The following CDH22 variants were observed in gnomAD, a reference collection of about 807,000 sequenced individuals.
CDH22 encodes cadherin 22.
In CDH22, 30 loss-of-function variants were observed where a neutral mutation model predicts 58.4. The ratio of observed to expected loss-of-function variants is 0.51; its 90% confidence interval spans 0.38 to 0.70. The LOEUF is 0.70. Ranked by LOEUF, CDH22 falls within the 30% of genes least tolerant of loss-of-function variation. CDH22 has a pLI of 0.00. For synonymous variants in CDH22, 513 were observed against 558.2 expected (o/e 0.92, Z 1.14); for missense variants, 1,014 against 1,233.9 (o/e 0.82, Z 2.67).
chr20:46,204,536 T>C (rs1427743059), intron 7 of CDH22, among the ~76,000 whole-genome samples: 1 of 152,154 alleles, frequency 6.6e-6, no homozygotes. Flanking sequence ...TTACTTTTCT[T>C]TGTTGAGCAA....
intron 1 of CDH22, among the ~76,000 whole-genome samples, chr20:46,252,463 TTCTC>T (rs1226631447): frequency 2.6e-5 from 4 of 152,370 alleles, no homozygotes; most frequent in Admixed American, 2.0e-4. Flanking sequence ...CTCTCTTCCC[TTCTC>T]TCTATCAGAT....
intron 10 of CDH22, among the ~76,000 whole-genome samples, chr20:46,180,732 A>G (rs1318543508): frequency 6.6e-6 from 1 of 151,920 alleles, no homozygotes; most frequent in Non-Finnish European, 1.5e-5. Context: ...CCAACCATCC[A>G]ACAAATCTTT....
rs771302958 is a variant in CDH22 at position 46,178,168 on chromosome 20, C to G, written c.1693G>C (p.Val565Leu). ...DNTAAVHTQHVGFNRQEQDVF... is the reference protein window; with the variant it reads ...DNTAAVHTQHLGFNRQEQDVF... ...TCCTGCTCCTGCCGGTTGAAGCCCACGTGCTGCGTGTGCACTGCAGCGGTG... is the reference window on the plus strand; with the variant it reads ...TCCTGCTCCTGCCGGTTGAAGCCCAGGTGCTGCGTGTGCACTGCAGCGGTG... The change falls in exon 11 of 12, where the codon GTG becomes CTG. Residue 565 changes from valine to leucine, a missense_variant. Val to Leu is a conservative substitution (Grantham distance 32). This residue lies in a region of CDH22 where 806 missense variants were observed against 1,038.7 expected (regional missense o/e 0.78). Coordinates refer to ENST00000537909, the MANE Select transcript of CDH22 (RefSeq NM_021248.3). The G allele has an allele frequency of 6.2e-7, 1 of 1,613,804 alleles. No homozygotes were observed. Among genetic ancestry groups the G allele is most frequent in the African/African-American group, 1.3e-5 (1 of 74,906 alleles).
rs942658147 is a variant in CDH22, at chr20:46,174,256, C to A, written c.*250G>T. 1 of 485,094 alleles carries A rather than the reference C, an allele frequency of 2.1e-6. No individual in the cohort carries two copies. Among genetic ancestry groups the A allele is most frequent in the Non-Finnish European group, 3.6e-6 (1 of 278,946 alleles). The allele number at this position is 485,094 out of a possible 1,614,324, so 30.0% of individuals were successfully genotyped here. ...CCATCTCCCATTCTAACCCCAGAGC[C>A]ACACCGTGCCCGGTCTCGCCTCAGT... On this transcript the variant is annotated 3_prime_UTR_variant, in exon 12 of 12. Coordinates refer to ENST00000537909, the MANE Select transcript of CDH22 (RefSeq NM_021248.3). This position sits in a 1 kb window ranked among gnomAD's most constrained non-coding sequence, Gnocchi z 4.4.
chr20:46,225,546 A>T (rs2086165084), intron 4 of CDH22, among the ~76,000 whole-genome samples: 1 of 152,230 alleles, frequency 6.6e-6, no homozygotes, highest in Admixed American at 6.5e-5. Flanking sequence ...GCTCTGGAAG[A>T]TGCATGAGAA....
chr20:46,271,853 G>C (rs1163926850), intron 1 of CDH22, among the ~76,000 whole-genome samples: 3 of 151,700 alleles, frequency 2.0e-5, no homozygotes, highest in African/African-American at 7.3e-5. Flanking sequence ...ATACTATAAT[G>C]ACTCCCAAGC....
At position 46,174,403 on chromosome 20, in the gene CDH22, G is replaced by C. The variant is rs2085718791; in HGVS notation, c.*103C>G. ...TCCGTCCAGCCGCCAAGGGAGGGTT[G>C]GGGGAGGGCAGGAAAGGGGGTCCGC... On this transcript the variant is annotated 3_prime_UTR_variant, in exon 12 of 12. Coordinates refer to ENST00000537909, the MANE Select transcript of CDH22 (RefSeq NM_021248.3). This position sits in a 1 kb window ranked among gnomAD's most constrained non-coding sequence, Gnocchi z 4.4. The C allele has an allele frequency of 5.1e-6, 4 of 779,970 alleles. No homozygotes were observed. In the African/African-American group the frequency reaches 7.5e-5, roughly 15 times the overall value. 48.3% of individuals were successfully genotyped at this position (779,970 alleles called of 1,614,324 possible).
intron 7 of CDH22, among the ~76,000 whole-genome samples, chr20:46,200,794 A>G (rs549151699): frequency 2.0e-5 from 3 of 152,274 alleles, no homozygotes; most frequent in Admixed American, 2.0e-4. Context: ...GTTGGCGTGT[A>G]CTGGGGAGCC....
rs1418206294 is a variant in CDH22 at position 46,241,225 on chromosome 20, G to A, written c.288C>T (p.Ala96=). 5 of 1,611,918 alleles carry A rather than the reference G, an allele frequency of 3.1e-6. No homozygotes were observed. The highest frequency in any genetic ancestry group is 4.2e-6 in the Non-Finnish European group (5 of 1,178,490). The change falls in exon 3 of 12, where the codon GCC becomes GCT. Residue 96 remains alanine, a synonymous_variant. Transcript: ENST00000537909. The surrounding 1 kb of genome is among the most constrained non-coding windows in gnomAD (Gnocchi z 5.2). ...CCTCGCCTGAGATGGTGTACTTGAT[G>A]GCCCCGTCACCCTCGTCTGAGTCGG... The part of the protein sequence containing the change: ...IHSDSDEGDG[A]IKYTISGEGA...
intron 1 of CDH22, among the ~76,000 whole-genome samples, chr20:46,265,309 C>G (rs148642326): frequency 6.4e-4 from 97 of 152,334 alleles, no homozygotes; most frequent in African/African-American, 2.1e-3. Flanking sequence ...CTCTTTTCCC[C>G]TCTTCCTCCT....
At chr20:46,209,269 C>A (rs1281426874) in intron 7 of CDH22, among the ~76,000 whole-genome samples, 1 of 152,094 alleles carries the variant, frequency 6.6e-6, no homozygotes, top group Non-Finnish European at 1.5e-5. Flanking sequence ...ACGTTCTAGG[C>A]CGAGGGATCC....
chr20:46,223,620 T>TTC (rs2086141886), intron 4 of CDH22, among the ~76,000 whole-genome samples: 1 of 143,528 alleles, frequency 7.0e-6, no homozygotes, highest in African/African-American at 3.0e-5. Context: ...TTCTTTTTCT[T>TTC]TCTTTCTTTT....
chr20:46,258,624 T>C (rs1397359462), intron 1 of CDH22, among the ~76,000 whole-genome samples: 2 of 152,120 alleles, frequency 1.3e-5, no homozygotes, highest in African/African-American at 2.4e-5. Context: ...TAGGGCTGGG[T>C]TTCTCTAGTG....
intron 10 of CDH22, 74 bp from the exon 11 acceptor site, chr20:46,178,271 T>G: frequency 6.5e-7 from 1 of 1,532,922 alleles, no homozygotes; most frequent in South Asian, 1.2e-5. Context: ...ACCTCCTGAT[T>G]GCATCGTGAG....
At chr20:46,207,352 G>A (rs959764716) in intron 7 of CDH22, among the ~76,000 whole-genome samples, 1 of 152,162 alleles carries the variant, frequency 6.6e-6, no homozygotes, top group Non-Finnish European at 1.5e-5. Context: ...GCAGATGGGA[G>A]GACTGACCTG....
chr20:46,201,681 G>A (rs1157268908), intron 7 of CDH22, among the ~76,000 whole-genome samples: 2 of 152,164 alleles, frequency 1.3e-5, no homozygotes, highest in East Asian at 3.9e-4. Context: ...ACTATAAAGG[G>A]ATGTGCCTAT....
At chr20:46,256,642 T>C (rs1352523279) in intron 1 of CDH22, among the ~76,000 whole-genome samples, 2 of 151,956 alleles carry the variant, frequency 1.3e-5, no homozygotes, top group Non-Finnish European at 2.9e-5. Context: ...GATTTTTCTG[T>C]GAGTGAGATG....
At chr20:46,186,793 A>G (rs781572515) in intron 9 of CDH22, 33 bp downstream of exon 9, 7 of 1,595,892 alleles carry the variant, frequency 4.4e-6, no homozygotes, top group Non-Finnish European at 6.0e-6. Context: ...CAGTCCTGGA[A>G]GCAACGCCCA....
rs368116505 is a variant in CDH22, at chr20:46,241,077, G to A, written c.436C>T (p.Arg146Cys). The A allele has an allele frequency of 1.2e-5, 19 of 1,614,064 alleles. No individual in the cohort carries two copies. In the African/African-American group the frequency reaches 1.3e-4, roughly 11 times the overall value. Reference protein sequence around the residue: ...RAQARDRATNRLLEPESEFII... With the variant: ...RAQARDRATNCLLEPESEFII... ...AACTCCGACTCGGGCTCCAGTAGGCGGTTGGTGGCGCGATCCCGAGCCTGG... is the reference window on the plus strand; with the variant it reads ...AACTCCGACTCGGGCTCCAGTAGGCAGTTGGTGGCGCGATCCCGAGCCTGG... The change falls in exon 3 of 12, where the codon CGC (arginine) becomes TGC (cysteine). Residue 146 changes from arginine (R) to cysteine (C), a missense_variant. Arg to Cys is a radical substitution (Grantham distance 180). Around this residue, in one of 2 missense-constraint regions of CDH22, gnomAD observed 806 missense variants for 1,038.7 expected, o/e 0.78. Coordinates refer to ENST00000537909, the MANE Select transcript of CDH22 (RefSeq NM_021248.3). This position sits in a 1 kb window ranked among gnomAD's most constrained non-coding sequence, Gnocchi z 5.2.
Sources: allele counts gnomAD v4.1 joint callset (sites outside exome capture counted in the v4.1 genomes callset), GRCh38; gene constraint gnomAD v4.1.1; regional missense constraint gnomAD v4.1.1; non-coding constraint Gnocchi (gnomAD v3.1); transcripts MANE v1.5; gene names NCBI Gene and HGNC (gene_info 2026-07-23, HGNC 2026-07-21).